Variants in OSBPL9 observed in about 807,000 individuals in gnomAD.
OSBPL9 encodes oxysterol binding protein like 9.
OSBPL9 carries 40 observed loss-of-function variants against 106.6 expected under a neutral mutation model. The ratio of observed to expected loss-of-function variants is 0.38; its 90% CI spans 0.29 to 0.49. The LOEUF (loss-of-function observed/expected upper bound fraction) is 0.49, where lower values mean the gene tolerates loss of function less well. OSBPL9 is among the 20% of genes least tolerant of loss of function. The pLI is 0.97. For synonymous variants in OSBPL9, 269 were observed against 295.4 expected (o/e 0.91, Z 0.92); for missense variants, 609 against 887.2 (o/e 0.69, Z 3.98).
chr1:51,571,193 T>C, the OSBPL9 span, among the ~76,000 whole-genome samples: 2 of 152,156 alleles, frequency 1.3e-5, no homozygotes, highest in Non-Finnish European at 2.9e-5. Flanking sequence ...GGTGCATCTT[T>C]ATATTCCCTG....
intron 2 of OSBPL9, among the ~76,000 whole-genome samples, chr1:51,604,516 A>G (rs1643923157): frequency 6.6e-6 from 1 of 151,746 alleles, no homozygotes; most frequent in Non-Finnish European, 1.5e-5. Context: ...AGATCCCACC[A>G]TTATACTCCC....
At chr1:51,546,138 C>T in the OSBPL9 span, among the ~76,000 whole-genome samples, 1 of 151,916 alleles carries the variant, frequency 6.6e-6, no homozygotes, top group African/African-American at 2.4e-5. Flanking sequence ...CACCTCAGCC[C>T]CCAAGTAGCT....
chr1:51,637,603 A>T (rs1452528398), intron 1 of OSBPL9, among the ~76,000 whole-genome samples: 1 of 152,280 alleles, frequency 6.6e-6, no homozygotes, highest in Non-Finnish European at 1.5e-5. Context: ...AGTGCTCAGT[A>T]AATGATAACA....
At chr1:51,628,575 C>G (rs1476219025) in intron 1 of OSBPL9, among the ~76,000 whole-genome samples, 1 of 151,098 alleles carries the variant, frequency 6.6e-6, no homozygotes, top group Non-Finnish European at 1.5e-5. Flanking sequence ...CAGAGCAAGA[C>G]TCCATCTCAA....
intron 7 of OSBPL9, among the ~76,000 whole-genome samples, chr1:51,748,601 T>G (rs952327313): frequency 6.6e-6 from 1 of 152,192 alleles, no homozygotes; most frequent in South Asian, 2.1e-4. Flanking sequence ...CGAAATTGAC[T>G]TCATGTACCA....
intron 2 of OSBPL9, among the ~76,000 whole-genome samples, chr1:51,668,783 T>C (rs1184896739): frequency 2.0e-5 from 3 of 152,240 alleles, no homozygotes; most frequent in Non-Finnish European, 2.9e-5. Context: ...TAGAAACATA[T>C]ACTAAGTATG....
chr1:51,666,378 C>A (rs553732187), intron 2 of OSBPL9, among the ~76,000 whole-genome samples: 64 of 152,120 alleles, frequency 4.2e-4, no homozygotes, highest in Non-Finnish European at 6.8e-4. Context: ...AGAAATAGAG[C>A]TTGAAGAATG....
chr1:51,556,402 G>A, the OSBPL9 span, among the ~76,000 whole-genome samples: 1 of 152,048 alleles, frequency 6.6e-6, no homozygotes, highest in Admixed American at 6.6e-5. Flanking sequence ...TCCCTCCCTA[G>A]GCTTTGAAAA....
intron 4 of OSBPL9, among the ~76,000 whole-genome samples, chr1:51,725,977 A>G (rs777339757): frequency 2.0e-5 from 3 of 152,244 alleles, no homozygotes; most frequent in Admixed American, 6.5e-5. Flanking sequence ...AACTACTCAT[A>G]GCCTGCTATT....
At chr1:51,727,522 A>G (rs1018124623) in intron 4 of OSBPL9, among the ~76,000 whole-genome samples, 2 of 152,222 alleles carry the variant, frequency 1.3e-5, no homozygotes, top group African/African-American at 4.8e-5. Flanking sequence ...GAATAACACA[A>G]ATAGAAAGCA....
chr1:51,762,091 T>C, intron 11 of OSBPL9, 120 bp downstream of exon 11: 1 of 678,924 alleles, frequency 1.5e-6, no homozygotes. Context: ...CTGTTGGAGA[T>C]ATGTTAGTTT....
chr1:51,520,791 T>C, the OSBPL9 span, among the ~76,000 whole-genome samples: 5 of 152,382 alleles, frequency 3.3e-5, no homozygotes, highest in East Asian at 9.6e-4. Context: ...GAACTCCTAA[T>C]TCTACTCAGA....
the OSBPL9 span, chr1:51,569,456 C>G: frequency 3.3e-5 from 5 of 152,144 alleles, 1 homozygote; most frequent in African/African-American, 1.2e-4. Context: ...TAGACATTTT[C>G]TGTTCCAAGT....
chr1:51,776,166 T>C (rs963969477), intron 14 of OSBPL9, among the ~76,000 whole-genome samples: 3 of 152,224 alleles, frequency 2.0e-5, no homozygotes, highest in Non-Finnish European at 2.9e-5. Flanking sequence ...TTTCTTCTTT[T>C]TGTTTATTCC....
intron 2 of OSBPL9, among the ~76,000 whole-genome samples, chr1:51,653,469 CTTAA>C (rs1246442496): frequency 1.3e-5 from 2 of 152,084 alleles, no homozygotes; most frequent in Non-Finnish European, 2.9e-5. Flanking sequence ...TTAAATGTAG[CTTAA>C]TTAATTATTA....
At chr1:51,703,233 A>G (rs1315464596) in intron 3 of OSBPL9, among the ~76,000 whole-genome samples, 2 of 152,216 alleles carry the variant, frequency 1.3e-5, no homozygotes, top group Admixed American at 6.5e-5. Flanking sequence ...TACCTTGGGC[A>G]GTGTGGCCAT....
intron 1 of OSBPL9, among the ~76,000 whole-genome samples, chr1:51,595,916 C>T (rs986607444): frequency 5.3e-5 from 8 of 152,100 alleles, no homozygotes; most frequent in African/African-American, 1.9e-4. Flanking sequence ...CCTTCTCATT[C>T]CAGTGCCTTC....
intron 12 of OSBPL9, among the ~76,000 whole-genome samples, chr1:51,768,714 C>T (rs748018484): frequency 2.2e-4 from 34 of 152,214 alleles, no homozygotes; most frequent in Non-Finnish European, 4.4e-4. Flanking sequence ...TCTATGAAAT[C>T]GAAACATTTA....
At chr1:51,547,053 T>A in the OSBPL9 span, among the ~76,000 whole-genome samples, 3 of 152,170 alleles carry the variant, frequency 2.0e-5, no homozygotes, top group Admixed American at 6.5e-5. Context: ...CTGGTGGGTG[T>A]ATGGACTGGT....
Sources: gnomAD v4.1 joint callset for allele counts (sites outside exome capture counted in the v4.1 genomes callset) on GRCh38, gnomAD v4.1.1 for gene constraint, MANE v1.5 for transcripts, NCBI Gene and HGNC (gene_info 2026-07-23, HGNC 2026-07-21) for gene names.